Variants in VEPH1 observed in about 807,000 individuals in gnomAD.
The protein encoded by VEPH1 is ventricular zone-expressed PH domain-containing protein homolog 1.
In VEPH1, 80 loss-of-function variants were observed where a neutral mutation model predicts 85.2. The ratio of observed to expected loss-of-function variants is 0.94; its 90% CI spans 0.78 to 1.13. VEPH1 has a LOEUF of 1.13. VEPH1 is among the 50% of genes most tolerant of loss of function. VEPH1 has a pLI of 0.00. For synonymous variants in VEPH1, 297 were observed against 348.0 expected, an observed-to-expected ratio of 0.85 and a Z score of 1.63; for missense variants, 955 against 980.5, an observed-to-expected ratio of 0.97 and a Z score of 0.35.
intron 5 of VEPH1, among the ~76,000 whole-genome samples, chr3:157,427,389 A>G (rs1732833356): frequency 6.6e-6 from 1 of 152,212 alleles, no homozygotes; most frequent in Non-Finnish European, 1.5e-5. Context: ...AAGTGCTGGC[A>G]TTACAGGCGT....
chr3:157,495,353 G>A lies in VEPH1; in HGVS notation c.-4C>T. On this transcript the variant is annotated 5_prime_UTR_variant, in exon 2 of 14. Transcript: ENST00000362010. ...CCAGTCTGAACAGTTGATGCATGGT[G>A]AGGATGAGTTTGATCAGTTGACTTT... 2 of 1,613,712 alleles carry A rather than the reference G, an allele frequency of 1.2e-6. No individual in the cohort carries two copies. The highest frequency in any genetic ancestry group is 2.2e-5 in the East Asian group (1 of 44,864).
intron 4 of VEPH1, among the ~76,000 whole-genome samples, chr3:157,459,143 A>G (rs1407440985): frequency 6.6e-6 from 1 of 152,216 alleles, no homozygotes; most frequent in Non-Finnish European, 1.5e-5. Context: ...TAAAGCTTCC[A>G]GTGGTTCAGC....
chr3:157,412,728 A>C (rs547772581), intron 6 of VEPH1, among the ~76,000 whole-genome samples: 1 of 152,146 alleles, frequency 6.6e-6, no homozygotes, highest in Non-Finnish European at 1.5e-5. Flanking sequence ...TTGAAGATCC[A>C]TCCTCACATT....
intron 12 of VEPH1, among the ~76,000 whole-genome samples, chr3:157,269,018 T>C (rs201082264): frequency 1.3e-5 from 2 of 152,238 alleles, no homozygotes; most frequent in Non-Finnish European, 2.9e-5. Context: ...TTAATAGTGA[T>C]ACATTTTTCC....
At chr3:157,368,352 C>T (rs1307874024) in intron 7 of VEPH1, among the ~76,000 whole-genome samples, 2 of 152,168 alleles carry the variant, frequency 1.3e-5, no homozygotes, top group African/African-American at 4.8e-5. Context: ...TATAGCATTA[C>T]TCTGATGAGA....
intron 6 of VEPH1, among the ~76,000 whole-genome samples, chr3:157,384,660 A>G (rs987082040): frequency 6.6e-6 from 1 of 152,218 alleles, no homozygotes; most frequent in African/African-American, 2.4e-5. Context: ...ACAGTGCAGG[A>G]ACAGGAAAAA....
intron 4 of VEPH1, among the ~76,000 whole-genome samples, chr3:157,450,220 T>C (rs1284358647): frequency 6.6e-6 from 1 of 151,966 alleles, no homozygotes; most frequent in Non-Finnish European, 1.5e-5. Flanking sequence ...CAAGCCCAGA[T>C]AAATTCTTTG....
intron 9 of VEPH1, among the ~76,000 whole-genome samples, chr3:157,362,470 T>C (rs16827530): frequency 0.23 from 35,657 of 152,160 alleles, 4,917 homozygotes; most frequent in Admixed American, 0.43. Context: ...GCTTCTTTCT[T>C]TTAAGCCACC....
intron 2 of VEPH1, among the ~76,000 whole-genome samples, chr3:157,478,195 G>T (rs1395145474): frequency 1.3e-5 from 2 of 152,146 alleles, no homozygotes; most frequent in East Asian, 1.9e-4. Flanking sequence ...AGATATGAAG[G>T]CCTGGTCCCT....
At chr3:157,353,238 G>A (rs768135679) in intron 9 of VEPH1, among the ~76,000 whole-genome samples, 27 of 149,442 alleles carry the variant, frequency 1.8e-4, no homozygotes, top group Non-Finnish European at 3.9e-4. Context: ...CCTCCCTCTC[G>A]CTTTCTTCTC....
chr3:157,457,490 C>T (rs1735480588), intron 4 of VEPH1, among the ~76,000 whole-genome samples: 1 of 152,088 alleles, frequency 6.6e-6, no homozygotes, highest in African/African-American at 2.4e-5. Flanking sequence ...CAGCTTTTGC[C>T]CATTCAGTAT....
intron 11 of VEPH1, among the ~76,000 whole-genome samples, chr3:157,306,015 T>G (rs1041262459): frequency 6.6e-6 from 1 of 152,190 alleles, no homozygotes; most frequent in Admixed American, 6.5e-5. Context: ...ACTTTATATT[T>G]TATGTAGTCA....
intron 7 of VEPH1, among the ~76,000 whole-genome samples, chr3:157,367,260 C>T (rs1726813743): frequency 6.6e-6 from 1 of 152,150 alleles, no homozygotes; most frequent in Non-Finnish European, 1.5e-5. Flanking sequence ...GTTTTTCTTT[C>T]TGACATATAT....
chr3:157,419,393 G>A (rs1732163131), intron 5 of VEPH1, among the ~76,000 whole-genome samples: 1 of 152,136 alleles, frequency 6.6e-6, no homozygotes, highest in African/African-American at 2.4e-5. Flanking sequence ...ATAATCTACA[G>A]AATGGGAGAA....
At chr3:157,325,181 GTTGT>G (rs1219845291) in intron 9 of VEPH1, among the ~76,000 whole-genome samples, 1 of 151,998 alleles carries the variant, frequency 6.6e-6, no homozygotes, top group Non-Finnish European at 1.5e-5. Flanking sequence ...TTTTAATGGA[GTTGT>G]TTGTTTTTTT....
At chr3:157,492,912 AG>A (rs1461782033) in intron 2 of VEPH1, among the ~76,000 whole-genome samples, 1 of 152,156 alleles carries the variant, frequency 6.6e-6, no homozygotes, top group Non-Finnish European at 1.5e-5. Flanking sequence ...ACAATGATAG[AG>A]AGGGAGGAAG....
chr3:157,417,731 C>T (rs539562581), intron 5 of VEPH1, among the ~76,000 whole-genome samples: 1 of 152,110 alleles, frequency 6.6e-6, no homozygotes, highest in East Asian at 1.9e-4. Context: ...TTCTTTCCAG[C>T]CCACCATAAC....
intron 4 of VEPH1, among the ~76,000 whole-genome samples, chr3:157,439,173 T>A (rs1371297486): frequency 2.6e-5 from 4 of 152,240 alleles, no homozygotes; most frequent in Non-Finnish European, 4.4e-5. Context: ...GCAGCCATTT[T>A]AATGGATGAA....
chr3:157,331,816 T>C (rs1424580312), intron 9 of VEPH1, among the ~76,000 whole-genome samples: 4 of 152,220 alleles, frequency 2.6e-5, no homozygotes, highest in African/African-American at 9.6e-5. Context: ...TTCTGAGAGC[T>C]GAGAGCACAC....
Sources: gnomAD v4.1 joint callset for allele counts (sites outside exome capture counted in the v4.1 genomes callset) on GRCh38, gnomAD v4.1.1 for gene constraint, MANE v1.5 for transcripts, NCBI Gene and HGNC (gene_info 2026-07-23, HGNC 2026-07-21) for gene names.